The following GPC6 variants were observed in gnomAD, a reference collection of about 807,000 sequenced individuals.
GPC6 encodes glypican-6.
In GPC6, 14 loss-of-function variants were observed where a neutral mutation model predicts 55.2. That is an observed-to-expected ratio of 0.25 (90% CI 0.17 to 0.40). The LOEUF is 0.40. GPC6 is among the 10% of genes least tolerant of loss of function. The pLI is 1.00. For missense variants in GPC6, 641 were observed against 708.5 expected (o/e 0.90, Z 1.08); for synonymous variants, 278 against 259.6 (o/e 1.07, Z -0.68).
At chr13:93,527,229 A>G (rs1050015148) in intron 1 of GPC6, among the ~76,000 whole-genome samples, 2 of 152,096 alleles carry the variant, frequency 1.3e-5, no homozygotes, top group Admixed American at 6.6e-5. Flanking sequence ...TGTGTGTGGT[A>G]AGAGCACCTA....
intron 1 of GPC6, among the ~76,000 whole-genome samples, chr13:93,295,319 AAAAG>A (rs1256841675): frequency 2.0e-5 from 3 of 150,908 alleles, no homozygotes; most frequent in Non-Finnish European, 3.0e-5. Flanking sequence ...AAAAAGAGAA[AAAAG>A]AAAGAAAGAA....
At chr13:93,505,431 G>GCACACA (rs553520936) in intron 1 of GPC6, among the ~76,000 whole-genome samples, 2 of 109,830 alleles carry the variant, frequency 1.8e-5, no homozygotes, top group Non-Finnish European at 4.5e-5. Context: ...TCACACACGT[G>GCACACA]CACACACACA....
chr13:94,046,891 G>A (rs959320995), intron 4 of GPC6, among the ~76,000 whole-genome samples: 13 of 152,222 alleles, frequency 8.5e-5, no homozygotes, highest in African/African-American at 3.1e-4. Context: ...TGTGTAAAAT[G>A]TACAATATAA....
chr13:93,982,521 C>T (rs1372868067), intron 3 of GPC6, among the ~76,000 whole-genome samples: 1 of 152,142 alleles, frequency 6.6e-6, no homozygotes, highest in Non-Finnish European at 1.5e-5. Flanking sequence ...TTATTTAATT[C>T]CCACATCTAT....
intron 1 of GPC6, among the ~76,000 whole-genome samples, chr13:93,321,128 G>C (rs532599350): frequency 1.5e-4 from 23 of 152,186 alleles, no homozygotes; most frequent in African/African-American, 5.5e-4. Flanking sequence ...AGGTCACTCT[G>C]TCTTAAGAAG....
At chr13:94,215,990 G>GAATAA (rs35197559) in intron 4 of GPC6, among the ~76,000 whole-genome samples, 104 of 15,080 alleles carry the variant, frequency 6.9e-3, no homozygotes, top group African/African-American at 0.025. Context: ...ATGTTTTTTA[G>GAATAA]ACGTTAGTTC....
intron 2 of GPC6, among the ~76,000 whole-genome samples, chr13:93,709,480 T>C (rs1255175947): frequency 1.3e-5 from 2 of 151,808 alleles, no homozygotes; most frequent in East Asian, 3.9e-4. Context: ...TGAAGTTCCT[T>C]TAGCTCCATG....
At chr13:93,623,255 G>A (rs1029425165) in intron 2 of GPC6, among the ~76,000 whole-genome samples, 1 of 151,942 alleles carries the variant, frequency 6.6e-6, no homozygotes, top group Non-Finnish European at 1.5e-5. Flanking sequence ...ATATCTCCTT[G>A]ACATACTGAT....
chr13:93,829,923 A>C (rs1028170098), intron 2 of GPC6, among the ~76,000 whole-genome samples: 1 of 152,114 alleles, frequency 6.6e-6, no homozygotes, highest in Non-Finnish European at 1.5e-5. Context: ...TACATGGTAG[A>C]CTCCTAATGT....
intron 3 of GPC6, among the ~76,000 whole-genome samples, chr13:93,914,358 G>T (rs1383502386): frequency 6.6e-6 from 1 of 152,100 alleles, no homozygotes; most frequent in Non-Finnish European, 1.5e-5. Context: ...GAGAATGATG[G>T]TTTCCAGCTT....
intron 4 of GPC6, among the ~76,000 whole-genome samples, chr13:94,189,635 C>T (rs1290480612): frequency 6.6e-6 from 1 of 152,130 alleles, no homozygotes; most frequent in Admixed American, 6.5e-5. Context: ...GTAAATTTTC[C>T]AGATAAATTA....
At chr13:93,446,185 G>A (rs1207009097) in intron 1 of GPC6, among the ~76,000 whole-genome samples, 1 of 152,110 alleles carries the variant, frequency 6.6e-6, no homozygotes, top group African/African-American at 2.4e-5. Context: ...AAGAGTAAGA[G>A]TATAGGGATG....
chr13:94,293,324 G>A (rs1263183310), intron 5 of GPC6, among the ~76,000 whole-genome samples: 1 of 152,156 alleles, frequency 6.6e-6, no homozygotes, highest in African/African-American at 2.4e-5. Flanking sequence ...GATTACGGGG[G>A]CAGTTTTCCC....
chr13:93,940,295 G>A (rs1407630309), intron 3 of GPC6, among the ~76,000 whole-genome samples: 1 of 151,794 alleles, frequency 6.6e-6, no homozygotes, highest in Non-Finnish European at 1.5e-5. Context: ...ATGTTCTCTA[G>A]AATTTTGTAA....
intron 3 of GPC6, among the ~76,000 whole-genome samples, chr13:93,914,302 T>G (rs1877174732): frequency 6.6e-6 from 1 of 151,926 alleles, no homozygotes. Context: ...CGCCTATAAG[T>G]GAGAACATGC....
At chr13:93,835,284 A>C (rs527588130) in intron 3 of GPC6, among the ~76,000 whole-genome samples, 1 of 151,958 alleles carries the variant, frequency 6.6e-6, no homozygotes, top group Non-Finnish European at 1.5e-5. Context: ...GTAAAATCCT[A>C]TCTCTACAAA....
intron 3 of GPC6, among the ~76,000 whole-genome samples, chr13:93,912,836 G>A (rs1386676935): frequency 6.6e-6 from 1 of 152,190 alleles, no homozygotes; most frequent in Non-Finnish European, 1.5e-5. Flanking sequence ...TGCTTCTGGA[G>A]GCACTGAAAG....
At chr13:94,206,353 A>C (rs902083551) in intron 4 of GPC6, among the ~76,000 whole-genome samples, 8 of 152,166 alleles carry the variant, frequency 5.3e-5, no homozygotes, top group African/African-American at 9.7e-5. Context: ...TGTGTCCCAC[A>C]TTCACACTAC....
chr13:93,646,062 T>G (rs572413683), intron 2 of GPC6, among the ~76,000 whole-genome samples: 1 of 152,086 alleles, frequency 6.6e-6, no homozygotes, highest in Non-Finnish European at 1.5e-5. Context: ...TGTACATTTA[T>G]AAGAACAAAA....
Sources: gnomAD v4.1 joint callset for allele counts (sites outside exome capture counted in the v4.1 genomes callset) on GRCh38, gnomAD v4.1.1 for gene constraint, MANE v1.5 for transcripts, NCBI Gene and HGNC (gene_info 2026-07-23, HGNC 2026-07-21) for gene names.